Variants in CCDC57 observed in about 807,000 individuals in gnomAD.
The protein encoded by CCDC57 is coiled-coil domain-containing protein 57.
CCDC57 carries 118 observed loss-of-function variants against 118.9 expected under a neutral mutation model. The observed-to-expected ratio is 0.99, with a 90% CI of 0.86 to 1.16. The LOEUF (loss-of-function observed/expected upper bound fraction) is 1.16, where lower values mean the gene tolerates loss of function less well. Among genes scored for constraint, CCDC57 ranks in the 50% most tolerant of loss-of-function variants. CCDC57 has a pLI of 0.00. For synonymous variants in CCDC57, 527 were observed against 532.9 expected (o/e 0.99, Z 0.15); for missense variants, 1,300 against 1,320.7 (o/e 0.98, Z 0.24).
In CCDC57 at chr17:82,179,035, T is replaced by C. The variant is rs541066855; in HGVS notation, c.1366A>G (p.Lys456Glu). The C allele has an allele frequency of 5.6e-6, 9 of 1,613,656 alleles. No individual in the cohort carries two copies. The African/African-American group carries it at 6.7e-5, about 12-fold the overall frequency. The change falls in exon 10 of 20, where the codon AAA becomes GAA. Residue 456 changes from lysine to glutamate, a missense_variant. Physicochemically the swap from Lys to Glu is moderately conservative, Grantham distance 56. Transcript: ENST00000665763. ...CTGGTGGCCGCACACACCTGACTTT[T>C]TGCCATGCTCAGACCCTGAATCAGG...
intron 18 of CCDC57, 94 bp downstream of exon 17, chr17:82,128,399 A>C: frequency 2.5e-6 from 2 of 787,356 alleles, no homozygotes; most frequent in East Asian, 5.3e-5. Flanking sequence ...TGCAGAGCGA[A>C]GGCCCCTCCG....
intron 16 of CCDC57, among the ~76,000 whole-genome samples, chr17:82,150,756 C>T (rs1598941224): frequency 2.1e-5 from 2 of 95,180 alleles, no homozygotes; most frequent in Non-Finnish European, 4.1e-5. Context: ...GACCCGCACC[C>T]AGAACCAGGC....
rs1320173617 is a variant in CCDC57 at position 82,171,906 on chromosome 17, C to T, written c.1730-53G>A. 10 of 1,575,684 alleles carry T rather than the reference C, an allele frequency of 6.3e-6. No individual in the cohort carries two copies. The South Asian group carries it at 9.0e-5, about 14-fold the overall frequency. On this transcript the variant is annotated intron_variant, in intron 12 of 19. Transcript: ENST00000665763. ...ACACATACACAGCATCCTTTCGCAC[C>T]TCCCTCCTGTGAGCACCAGCTCAGG...
Position 82,192,067 on chromosome 17 carries a change from C to A in CCDC57, c.851+1689G>T, listed in dbSNP as rs1212667124. ...GTGGCGCGGTCTCGGCTCAGTGAAA[C>A]CTCCACCTCCCAAGTTCAAGTGATT... On this transcript the variant is annotated intron_variant, in intron 7 of 19. Transcript: ENST00000665763. This position sits in a 1 kb window ranked among gnomAD's most constrained non-coding sequence, Gnocchi z 4.0. Among the ~76,000 whole-genome samples, 1 of 151,064 alleles carries A rather than the reference C, an allele frequency of 6.6e-6. No individual in the cohort carries two copies. The highest frequency in any genetic ancestry group is 1.5e-5 in the Non-Finnish European group (1 of 67,826).
intron 19 of CCDC57, among the ~76,000 whole-genome samples, chr17:82,111,377 C>CTT (rs752590665): frequency 0.011 from 1,302 of 113,240 alleles, 74 homozygotes; most frequent in African/African-American, 0.045. Context: ...GCCTAGGGCC[C>CTT]TTTTTTTTTT....
intron 14 of CCDC57, among the ~76,000 whole-genome samples, chr17:82,159,256 C>A (rs1418663643): frequency 6.6e-6 from 1 of 152,118 alleles, no homozygotes; most frequent in Non-Finnish European, 1.5e-5. Flanking sequence ...GCCTCAGACT[C>A]CCAAAGTGTT....
At chr17:82,169,832 T>C (rs953805467) in intron 13 of CCDC57, among the ~76,000 whole-genome samples, 8 of 152,204 alleles carry the variant, frequency 5.3e-5, no homozygotes, top group South Asian at 2.1e-4. Context: ...CACAATGGAA[T>C]AGATTAGCCT....
chr17:82,140,377 C>T (rs1360496450), intron 16 of CCDC57, among the ~76,000 whole-genome samples: 4 of 152,010 alleles, frequency 2.6e-5, no homozygotes, highest in Non-Finnish European at 2.9e-5. Context: ...TGAGCCACCA[C>T]GCCTGACCAA....
intron 16 of CCDC57, among the ~76,000 whole-genome samples, chr17:82,135,989 T>C (rs953959767): frequency 1.3e-5 from 2 of 151,694 alleles, no homozygotes; most frequent in Non-Finnish European, 2.9e-5. Flanking sequence ...CGACAGAAAA[T>C]AGCAAGTGCT....
intron 16 of CCDC57, among the ~76,000 whole-genome samples, chr17:82,136,055 G>A (rs771705161): frequency 4.6e-5 from 7 of 152,122 alleles, no homozygotes; most frequent in African/African-American, 1.4e-4. Flanking sequence ...CATGGGAGGC[G>A]GTTTGGTGGC....
chr17:82,113,156 G>A, intron 19 of CCDC57: 1 of 550,952 alleles, frequency 1.8e-6, no homozygotes, highest in Non-Finnish European at 3.2e-6. Flanking sequence ...TTGACCATCT[G>A]TTTCTCAGAA....
intron 7 of CCDC57, among the ~76,000 whole-genome samples, chr17:82,188,999 G>A (rs1232194909): frequency 6.6e-6 from 1 of 152,224 alleles, no homozygotes; most frequent in African/African-American, 2.4e-5. Flanking sequence ...AGGCACAGTG[G>A]ATCATGCCTG....
At chr17:82,183,633 A>C in intron 9 of CCDC57, 141 bp downstream of exon 8, 1 of 818,628 alleles carries the variant, frequency 1.2e-6, no homozygotes, top group South Asian at 2.0e-5. Context: ...CAGACATTCT[A>C]TCTGTCTTGT....
chr17:82,186,961 G>A (rs1465754378), intron 8 of CCDC57, among the ~76,000 whole-genome samples: 6 of 150,984 alleles, frequency 4.0e-5, no homozygotes, highest in African/African-American at 1.5e-4. Context: ...AAAAGAGGCC[G>A]GGGGCGGTGG....
At chr17:82,160,941 G>C (rs545106180) in intron 14 of CCDC57, among the ~76,000 whole-genome samples, 65 of 149,168 alleles carry the variant, frequency 4.4e-4, no homozygotes, top group African/African-American at 1.6e-3. Context: ...GAAAAATGTA[G>C]CAAATCATAT....
At chr17:82,117,800 AG>A (rs756867703) in intron 19 of CCDC57, among the ~76,000 whole-genome samples, 15 of 152,164 alleles carry the variant, frequency 9.9e-5, no homozygotes, top group Non-Finnish European at 1.6e-4. Context: ...GAGTGAGGAA[AG>A]GTGCCTCACG....
chr17:82,197,574 T>C (rs947266396), intron 4 of CCDC57, among the ~76,000 whole-genome samples: 1 of 152,224 alleles, frequency 6.6e-6, no homozygotes, highest in Non-Finnish European at 1.5e-5. Context: ...TATACCTTTC[T>C]AAAAATAAAT....
At chr17:82,126,726 C>A (rs2037486767) in intron 19 of CCDC57, 1 of 985,276 alleles carries the variant, frequency 1.0e-6, no homozygotes, top group Non-Finnish European at 1.2e-6. Flanking sequence ...ACTACGCAAG[C>A]CCCTGGGGCA....
exon 13 of CCDC57, chr17:82,171,706 G>T (rs116714093): frequency 2.3e-5 from 37 of 1,609,774 alleles, no homozygotes; most frequent in Non-Finnish European, 3.1e-5. Context: ...CTTACCAGTC[G>T]TCTCTGTCGA....
Sources: gnomAD v4.1 joint callset for allele counts (sites outside exome capture counted in the v4.1 genomes callset) on GRCh38, gnomAD v4.1.1 for gene constraint, Gnocchi (gnomAD v3.1) non-coding constraint, MANE v1.5 for transcripts, NCBI Gene and HGNC (gene_info 2026-07-23, HGNC 2026-07-21) for gene names.